The following TNKS1BP1 variants were observed in gnomAD, a reference collection of about 807,000 sequenced individuals.
The protein encoded by TNKS1BP1 is 182 kDa tankyrase-1-binding protein.
TNKS1BP1 carries 48 observed loss-of-function variants against 141.1 expected under a neutral mutation model. The observed-to-expected ratio is 0.34, with a 90% CI of 0.27 to 0.43. The LOEUF is 0.43. Ranked by LOEUF, TNKS1BP1 falls within the 20% of genes least tolerant of loss-of-function variation. The probability of loss-of-function intolerance (pLI) is 1.00; values close to 1 mark genes in which losing one functional copy is unlikely to be tolerated. For synonymous variants in TNKS1BP1, 875 were observed against 898.2 expected (o/e 0.97, Z 0.46); for missense variants, 2,149 against 2,226.0 (o/e 0.97, Z 0.70).
In TNKS1BP1 at chr11:57,313,898, GA is replaced by G; in HGVS notation, c.799-10del. On this transcript the variant is annotated splice_polypyrimidine_tract_variant and intron_variant, in intron 4 of 11. Transcript: ENST00000358252. ...ATCCAGGGCTTGGAAATCTGCAAGA[GA>G]AAGAAAGGTCAAGATCCGTCACTCA... 6.7e-7 allele frequency: 1 copy of G among 1,492,834 alleles called. No individual in the cohort carries two copies. The highest frequency in any genetic ancestry group is 1.4e-5 in the South Asian group (1 of 70,966). 92.5% of individuals were successfully genotyped at this position (1,492,834 alleles called of 1,614,324 possible).
At position 57,302,097 on chromosome 11, in the gene TNKS1BP1, G is replaced by A. The variant is rs746553046; in HGVS notation, c.4811C>T (p.Ala1604Val). The A allele has an allele frequency of 6.2e-7, 1 of 1,613,792 alleles. No individual in the cohort carries two copies. The highest frequency in any genetic ancestry group is 1.1e-5 in the South Asian group (1 of 91,084). Reference protein sequence around the residue: ...LGLSEAADSDAHLFQDSTEPR... With the variant: ...LGLSEAADSDVHLFQDSTEPR... ...ACCTGTAGAGTCCTGGAACAGGTGT[G>A]CATCCGAGTCTGCTGCCTCCGACAG... Residue 1604 changes from alanine to valine, a missense_variant, in exon 8 of 12, where the codon GCA (alanine) becomes GTA (valine). By Grantham distance (64) the Ala-to-Val change is moderately conservative. Transcript: ENST00000358252. This position sits in a 1 kb window ranked among gnomAD's most constrained non-coding sequence, Gnocchi z 5.5.
chr11:57,316,401 T>A (rs902292844), intron 4 of TNKS1BP1, among the ~76,000 whole-genome samples: 2 of 152,026 alleles, frequency 1.3e-5, no homozygotes, highest in Non-Finnish European at 1.5e-5. Flanking sequence ...TTTGCTCACT[T>A]CCCTTGAAGG....
Position 57,309,882 on chromosome 11 carries a change from C to G in TNKS1BP1, c.2829G>C (p.Arg943=). The change falls in exon 6 of 12, where the codon CGG becomes CGC. Residue 943 remains arginine (R), a synonymous_variant. Transcript: ENST00000358252. The surrounding 1 kb of genome is among the most constrained non-coding windows in gnomAD (Gnocchi z 4.3). ...RDVSLGTYGS[R]AAEPQEQEFG... ...ACTCCTGTTCCTGTGGCTCCGCAGC[C>G]CGGCTGCCATAGGTGCCGAGTGACA... 1 of 1,614,156 alleles carries G rather than the reference C, an allele frequency of 6.2e-7. No homozygotes were observed. Among genetic ancestry groups the G allele is most frequent in the African/African-American group, 1.3e-5 (1 of 75,038 alleles).
chr11:57,319,953 A>G (rs1305943357), intron 3 of TNKS1BP1, 126 bp downstream of exon 3: 5 of 1,311,204 alleles, frequency 3.8e-6, no homozygotes, highest in Non-Finnish European at 5.2e-6. Context: ...CTCACAGCAC[A>G]CAACCAACCT....
chr11:57,323,298 C>T (rs1434170225), intron 1 of TNKS1BP1, among the ~76,000 whole-genome samples: 1 of 152,098 alleles, frequency 6.6e-6, no homozygotes, highest in East Asian at 1.9e-4. Context: ...TCAGATACTC[C>T]AACCACCTCC....
rs1855551036 is a variant in TNKS1BP1, at chr11:57,302,950, C to T, written c.4317-125G>A. On this transcript the variant is annotated intron_variant, in intron 6 of 11. Coordinates refer to ENST00000358252, the MANE Select transcript of TNKS1BP1 (RefSeq NM_033396.3). The surrounding 1 kb of genome is among the most constrained non-coding windows in gnomAD (Gnocchi z 5.5). The stretch of plus-strand genomic sequence containing the variant: ...CCTTGCCCTCCTTCCCATGCTTTTT[C>T]CAGACTCCAAGGACACGGTCAGGGC... The T allele has an allele frequency of 1.1e-5, 14 of 1,227,864 alleles. No homozygotes were observed. In the South Asian group the frequency reaches 2.4e-4, roughly 21 times the overall value. The allele number at this position is 1,227,864 out of a possible 1,614,324, so 76.1% of individuals were successfully genotyped here. A position where few individuals can be genotyped will look rare whatever the true frequency, so the allele number is the denominator to read the frequency against.
chr11:57,321,668 G>T, intron 2 of TNKS1BP1, 124 bp downstream of exon 2: 1 of 1,096,496 alleles, frequency 9.1e-7, no homozygotes, highest in Non-Finnish European at 1.3e-6. Flanking sequence ...GTACTGCCTT[G>T]GTACTCCTTC....
chr11:57,300,936 G>C lies in TNKS1BP1; in HGVS notation c.5077C>G (p.Pro1693Ala), dbSNP rs778251479. The stretch of plus-strand genomic sequence containing the variant: ...AACGTGAGGGGCTTTCCCAGTCCTG[G>C]GACCTTGCAGGATTTCGAACGCTGG... ...AVQRSKSCKV[P>A]GLGKPLTLPP... The change falls in exon 10 of 12, where the codon CCA (proline) becomes GCA (alanine). Residue 1693 changes from proline to alanine, a missense_variant. Physicochemically the swap from Pro to Ala is conservative, Grantham distance 27. Transcript: ENST00000358252. The C allele has an allele frequency of 6.2e-7, 1 of 1,614,152 alleles. No homozygotes were observed. Among genetic ancestry groups the C allele is most frequent in the South Asian group, 1.1e-5 (1 of 91,078 alleles).
chr11:57,300,630 G>A (rs748467849), intron 10 of TNKS1BP1, 30 bp from the exon 11 acceptor site: 2 of 1,613,848 alleles, frequency 1.2e-6, no homozygotes, highest in South Asian at 1.1e-5. Context: ...GGTCCAGAAT[G>A]CAAACTTTGA....
At position 57,317,927 on chromosome 11, in the gene TNKS1BP1, T is replaced by TA. The variant is rs773148406; in HGVS notation, c.729-41dup. ...GACAGGAAATGGAAGCACGGAATGT[T>TA]AGAGTCTGTCACAGAATGGAAAATG... On this transcript the variant is annotated intron_variant, in intron 3 of 11. Coordinates refer to ENST00000358252, the MANE Select transcript of TNKS1BP1 (RefSeq NM_033396.3). The TA allele has an allele frequency of 2.1e-5, 34 of 1,593,936 alleles. 1 individual carries two copies. Among genetic ancestry groups the TA allele is most frequent in the Middle Eastern group, 1.8e-4 (1 of 5,572 alleles).
chr11:57,302,541 T>C lies in TNKS1BP1; in HGVS notation c.4601A>G (p.Asp1534Gly). ...TWGSSAARWS[D>G]QGPAQTSRRP... Reference sequence around the variant, plus strand: ...CCGAGAAGTCTGTGCTGGCCCCTGATCGCTCCACCTGGCTGCTGAAGAGCC... The same window carrying C: ...CCGAGAAGTCTGTGCTGGCCCCTGACCGCTCCACCTGGCTGCTGAAGAGCC... Residue 1534 changes from aspartate (D) to glycine (G), a missense_variant, in exon 7 of 12, where the codon GAT becomes GGT. Transcript: ENST00000358252. This position sits in a 1 kb window ranked among gnomAD's most constrained non-coding sequence, Gnocchi z 5.5. The C allele has an allele frequency of 6.2e-7, 1 of 1,613,178 alleles. No individual in the cohort carries two copies. The highest frequency in any genetic ancestry group is 8.5e-7 in the Non-Finnish European group (1 of 1,179,834).
intron 1 of TNKS1BP1, among the ~76,000 whole-genome samples, chr11:57,322,893 A>C (rs1231272957): frequency 6.6e-6 from 1 of 152,170 alleles, no homozygotes; most frequent in East Asian, 1.9e-4. Context: ...AGGAGTTCTG[A>C]GGGGGACAGA....
At chr11:57,300,673 G>C in intron 10 of TNKS1BP1, 73 bp from the exon 11 acceptor site, 5 of 1,592,406 alleles carry the variant, frequency 3.1e-6, no homozygotes, top group Non-Finnish European at 4.3e-6. Flanking sequence ...ACGTGATAGG[G>C]ACAGAAACCA....
At chr11:57,311,333 T>C in intron 5 of TNKS1BP1, 1 of 985,762 alleles carries the variant, frequency 1.0e-6, no homozygotes, top group African/African-American at 1.7e-5. Flanking sequence ...AGGATAGACA[T>C]GCTGGCCTCC....
In TNKS1BP1 at chr11:57,313,828, C is replaced by G. The variant is rs765149424; in HGVS notation, c.860G>C (p.Ser287Thr). Reference protein sequence around the residue: ...APSSENGGPASPGLPAEASGS... With the variant: ...APSSENGGPATPGLPAEASGS... ...TGAGGCTTCTGCGGGGAGGCCTGGG[C>G]TGGCAGGGCCTCCATTCTCTGAGGA... Residue 287 changes from serine to threonine, a missense_variant, in exon 5 of 12, where the codon AGC becomes ACC. Transcript: ENST00000358252. The G allele has an allele frequency of 3.5e-5, 54 of 1,536,454 alleles. No homozygotes were observed. The highest frequency in any genetic ancestry group is 4.5e-5 in the Non-Finnish European group (52 of 1,146,270).
chr11:57,320,011 G>GCCCCCCCCCCAAACCACCCCCCCC, intron 3 of TNKS1BP1, 68 bp downstream of exon 3: 1 of 1,296,684 alleles, frequency 7.7e-7, no homozygotes, highest in Non-Finnish European at 1.1e-6. Context: ...TTGGTCCCCA[G>GCCCCCCCCCCAAACCACCCCCCCC]CCCCCACCCA....
intron 2 of TNKS1BP1, among the ~76,000 whole-genome samples, chr11:57,321,069 G>A (rs1197008324): frequency 6.6e-6 from 1 of 152,150 alleles, no homozygotes; most frequent in African/African-American, 2.4e-5. Context: ...ACAAATGCCT[G>A]CCTGTCCCTA....
Position 57,311,317 on chromosome 11 carries a change from C to T in TNKS1BP1, c.2155-761G>A, listed in dbSNP as rs565940054. ...CCTCAGCGCAGCGTTGGCCAGCAGCCGCTCCAGGATAGACATGCTGGCCTC... is the reference window on the plus strand; with the variant it reads ...CCTCAGCGCAGCGTTGGCCAGCAGCTGCTCCAGGATAGACATGCTGGCCTC... On this transcript the variant is annotated intron_variant, in intron 5 of 11. Transcript: ENST00000358252. 1,194 of 985,834 alleles carry T rather than the reference C, an allele frequency of 1.2e-3. 2 individuals are homozygous for T. The highest frequency in any genetic ancestry group is 2.2e-3 in the South Asian group (47 of 21,296). 61.1% of individuals were successfully genotyped at this position (985,834 alleles called of 1,614,324 possible). A position where few individuals can be genotyped will look rare whatever the true frequency, so the allele number is the denominator to read the frequency against.
chr11:57,311,761 G>C (rs1855716539), intron 5 of TNKS1BP1, among the ~76,000 whole-genome samples: 1 of 152,250 alleles, frequency 6.6e-6, no homozygotes, highest in Admixed American at 6.5e-5. Flanking sequence ...AGGAGAAAGG[G>C]CACTGGGCCG....
Sources: gnomAD v4.1 joint callset for allele counts (sites outside exome capture counted in the v4.1 genomes callset) on GRCh38, gnomAD v4.1.1 for gene constraint, Gnocchi (gnomAD v3.1) non-coding constraint, MANE v1.5 for transcripts, NCBI Gene and HGNC (gene_info 2026-07-23, HGNC 2026-07-21) for gene names.